Variants in C1GALT1 observed in about 807,000 individuals in gnomAD.
C1GALT1 encodes the protein glycoprotein-N-acetylgalactosamine 3-beta-galactosyltransferase 1.
A neutral mutation model predicts 31.0 loss-of-function variants in C1GALT1; 11 were observed. The observed-to-expected ratio is 0.36, with a 90% CI of 0.22 to 0.59. C1GALT1 has a LOEUF of 0.59. C1GALT1 is among the 20% of genes least tolerant of loss of function. The probability of loss-of-function intolerance (pLI) is 0.79; values close to 1 mark genes in which losing one functional copy is unlikely to be tolerated. For missense variants in C1GALT1, 424 were observed against 425.2 expected, an observed-to-expected ratio of 1.00 and a Z score of 0.03; for synonymous variants, 175 against 143.6, an observed-to-expected ratio of 1.22 and a Z score of -1.56.
intron 1 of C1GALT1, among the ~76,000 whole-genome samples, chr7:7,186,038 A>G (rs1380096907): frequency 7.8e-6 from 1 of 129,030 alleles, no homozygotes; most frequent in Non-Finnish European, 1.6e-5. Context: ...GTCCTGGTTC[A>G]GGGGGCCACA....
intron 2 of C1GALT1, among the ~76,000 whole-genome samples, chr7:7,236,258 A>G (rs1323008053): frequency 6.6e-6 from 1 of 152,154 alleles, no homozygotes; most frequent in Non-Finnish European, 1.5e-5. Context: ...ATGCCAGCCC[A>G]TGCCCAGTAC....
intron 2 of C1GALT1, among the ~76,000 whole-genome samples, chr7:7,157,789 G>C (rs1780289422): frequency 1.3e-5 from 2 of 152,064 alleles, no homozygotes; most frequent in South Asian, 4.1e-4. Flanking sequence ...TCATTAGCTA[G>C]CCTCAGTAAG....
At chr7:7,220,223 A>G (rs1225235774) in intron 1 of C1GALT1, among the ~76,000 whole-genome samples, 1 of 152,274 alleles carries the variant, frequency 6.6e-6, no homozygotes, top group African/African-American at 2.4e-5. Flanking sequence ...TAGCCAGCAT[A>G]GGGTTGTGGA....
At position 7,238,154 on chromosome 7, in the gene C1GALT1, T is replaced by G. The variant is rs1783452365; in HGVS notation, c.221-101T>G. The G allele has an allele frequency of 8.7e-7, 1 of 1,147,990 alleles. No homozygotes were observed. The highest frequency in any genetic ancestry group is 2.8e-5 in the Admixed American group (1 of 35,648). 71.1% of individuals were successfully genotyped at this position (1,147,990 alleles called of 1,614,324 possible). A position where few individuals can be genotyped will look rare whatever the true frequency, so the allele number is the denominator to read the frequency against. ...GCTAAATCACTAATAGAGGGATAAA[T>G]AGGGACTTTGAAATTAGGACAGTGC... On this transcript the variant is annotated intron_variant, in intron 2 of 3. Transcript: ENST00000436587. The surrounding 1 kb of genome is among the most constrained non-coding windows in gnomAD (Gnocchi z 5.2).
chr7:7,197,534 T>C (rs998703652), intron 1 of C1GALT1, among the ~76,000 whole-genome samples: 2 of 152,238 alleles, frequency 1.3e-5, no homozygotes, highest in African/African-American at 4.8e-5. Flanking sequence ...GGCTCTTTTT[T>C]GGTTCCATAT....
intron 2 of C1GALT1, among the ~76,000 whole-genome samples, chr7:7,170,212 T>C (rs918680376): frequency 2.0e-5 from 3 of 152,222 alleles, no homozygotes; most frequent in Admixed American, 6.5e-5. Context: ...TTTGTCAATT[T>C]GATTACTTTT....
intron 2 of C1GALT1, among the ~76,000 whole-genome samples, chr7:7,165,331 C>A (rs1780380480): frequency 1.3e-5 from 2 of 152,070 alleles, no homozygotes; most frequent in Admixed American, 6.6e-5. Context: ...ATCTAGGAGC[C>A]TTGACTATTT....
intron 1 of C1GALT1, among the ~76,000 whole-genome samples, chr7:7,208,765 C>G (rs1332183616): frequency 1.3e-5 from 2 of 152,202 alleles, no homozygotes; most frequent in Non-Finnish European, 2.9e-5. Context: ...ATTGCCCACC[C>G]TAACTCCCAC....
At chr7:7,200,366 GC>G (rs747747741) in intron 1 of C1GALT1, among the ~76,000 whole-genome samples, 49 of 152,234 alleles carry the variant, frequency 3.2e-4, no homozygotes, top group Non-Finnish European at 6.2e-4. Context: ...TTGTATATTG[GC>G]TTTCACTCTC....
chr7:7,224,307 G>A (rs927829023), intron 1 of C1GALT1, among the ~76,000 whole-genome samples: 1 of 151,256 alleles, frequency 6.6e-6, no homozygotes, highest in African/African-American at 2.4e-5. Flanking sequence ...TTTGGTATCA[G>A]GGTAATATGA....
chr7:7,182,065 T>C (rs1780604672), upstream of C1GALT1, among the ~76,000 whole-genome samples: 1 of 152,172 alleles, frequency 6.6e-6, no homozygotes, highest in Non-Finnish European at 1.5e-5. Context: ...GGTTCTCACA[T>C]GATGACCCAG....
At chr7:7,178,165 T>G (rs11762665), upstream of C1GALT1, 24,102 of 209,732 alleles carry the variant, frequency 0.11, 1,492 homozygotes, top group East Asian at 0.22. Flanking sequence ...AATTTAGATC[T>G]GTAGATTCTG....
chr7:7,218,457 A>G (rs1327182039), intron 1 of C1GALT1, among the ~76,000 whole-genome samples: 1 of 152,210 alleles, frequency 6.6e-6, no homozygotes, highest in African/African-American at 2.4e-5. Flanking sequence ...CCAACGAAAA[A>G]TGAACAAATA....
At chr7:7,162,955 A>G (rs1780352811) in intron 2 of C1GALT1, among the ~76,000 whole-genome samples, 1 of 151,816 alleles carries the variant, frequency 6.6e-6, no homozygotes, top group Admixed American at 6.6e-5. Flanking sequence ...CCACTTTTTG[A>G]TGGGGTTGTT....
Position 7,246,301 on chromosome 7 carries a change from T to C in C1GALT1, c.*2574T>C, listed in dbSNP as rs1287250613. 1 of 152,326 alleles carries C rather than the reference T, an allele frequency of 6.6e-6. No homozygotes were observed. Among genetic ancestry groups the C allele is most frequent in the South Asian group, 2.1e-4 (1 of 4,824 alleles). The allele number at this position is 152,326 out of a possible 1,614,324, so 9.4% of individuals were successfully genotyped here. On this transcript the variant is annotated 3_prime_UTR_variant, in exon 4 of 4. Transcript: ENST00000436587. ...TTATATTCAAAACCCTGTGTGTTCA[T>C]TGGAACCGTATCAGGCTTGGGGCTA...
intron 1 of C1GALT1, among the ~76,000 whole-genome samples, chr7:7,197,857 A>T (rs1781366145): frequency 6.6e-6 from 1 of 152,210 alleles, no homozygotes; most frequent in South Asian, 2.1e-4. Context: ...ATTGGTGTAT[A>T]GGAATGCTTG....
intron 1 of C1GALT1, among the ~76,000 whole-genome samples, chr7:7,207,562 G>C (rs1342958528): frequency 6.6e-6 from 1 of 151,366 alleles, no homozygotes; most frequent in Non-Finnish European, 1.5e-5. Context: ...AGTTCTTTGA[G>C]CATTTTTCAG....
intron 2 of C1GALT1, among the ~76,000 whole-genome samples, chr7:7,171,973 A>T (rs962332059): frequency 2.6e-5 from 4 of 152,174 alleles, no homozygotes; most frequent in Non-Finnish European, 5.9e-5. Context: ...GTTAAATCTT[A>T]TTAAAAATAA....
intron 2 of C1GALT1, among the ~76,000 whole-genome samples, chr7:7,237,609 G>A (rs1399490557): frequency 6.6e-6 from 1 of 152,104 alleles, no homozygotes; most frequent in Non-Finnish European, 1.5e-5. Flanking sequence ...TTTTTGATTG[G>A]TGGATTTACA....
Sources: allele counts gnomAD v4.1 joint callset (sites outside exome capture counted in the v4.1 genomes callset), GRCh38; gene constraint gnomAD v4.1.1; non-coding constraint Gnocchi (gnomAD v3.1); transcripts MANE v1.5; gene names NCBI Gene and HGNC (gene_info 2026-07-23, HGNC 2026-07-21).